GRAP2: variants seen among roughly 807,000 people sequenced by gnomAD.
GRAP2 encodes the protein GRB2 related adaptor protein 2.
In GRAP2, 31 loss-of-function variants were observed where a neutral mutation model predicts 43.5. The observed-to-expected ratio is 0.71, with a 90% CI of 0.54 to 0.96. GRAP2 has a LOEUF of 0.96. Among genes scored for constraint, GRAP2 ranks in the 40% least tolerant of loss-of-function variants. GRAP2 has a pLI of 0.00. For missense variants in GRAP2, 371 were observed against 424.4 expected, an observed-to-expected ratio of 0.87 and a Z score of 1.11; for synonymous variants, 156 against 164.8, an observed-to-expected ratio of 0.95 and a Z score of 0.41.
chr22:39,926,046 TTA>T (rs1173706475), intron 1 of GRAP2, among the ~76,000 whole-genome samples: 1 of 152,182 alleles, frequency 6.6e-6, no homozygotes, highest in African/African-American at 2.4e-5. Context: ...AATTGTCTAT[TTA>T]TATGTCTGCC....
At chr22:39,907,993 C>T (rs1031161573) in intron 1 of GRAP2, among the ~76,000 whole-genome samples, 9 of 152,176 alleles carry the variant, frequency 5.9e-5, no homozygotes, top group African/African-American at 2.2e-4. Flanking sequence ...ATGCAGGAGC[C>T]CTCGATGGGC....
intron 1 of GRAP2, 47 bp from the exon 2 acceptor site, chr22:39,947,046 C>T: frequency 9.3e-7 from 1 of 1,073,872 alleles, no homozygotes; most frequent in South Asian, 1.2e-5. Flanking sequence ...GCTCTGCTGC[C>T]CTCCCCCTGG....
chr22:39,912,451 T>C (rs1212391678), intron 1 of GRAP2, among the ~76,000 whole-genome samples: 1 of 152,156 alleles, frequency 6.6e-6, no homozygotes, highest in Non-Finnish European at 1.5e-5. Context: ...CCTTTCTGGG[T>C]TCTTGTGGAG....
At chr22:39,945,372 T>C (rs1173024580) in intron 1 of GRAP2, among the ~76,000 whole-genome samples, 1 of 152,194 alleles carries the variant, frequency 6.6e-6, no homozygotes, top group Non-Finnish European at 1.5e-5. Flanking sequence ...ATCAGAGAAA[T>C]GAGCCCCTTG....
At position 39,940,153 on chromosome 22, in the gene GRAP2, G is replaced by A. The variant is rs369400714; in HGVS notation, c.-14-6940G>A. Among the ~76,000 whole-genome samples, 262 of 152,300 alleles carry A rather than the reference G, an allele frequency of 1.7e-3. 2 individuals are homozygous for A. Among genetic ancestry groups the A allele is most frequent in the African/African-American group, 5.8e-3 (243 of 41,562 alleles). On this transcript the variant is annotated intron_variant, in intron 1 of 7. Transcript: ENST00000344138. ...GTCTATTTTAAAGGCTCCGGAAGAT[G>A]AGTTAGAAGTGATTCAAGAGCAGGC...
intron 1 of GRAP2, among the ~76,000 whole-genome samples, chr22:39,940,077 G>A (rs1481734858): frequency 1.3e-5 from 2 of 152,136 alleles, no homozygotes; most frequent in African/African-American, 2.4e-5. Flanking sequence ...CCACAGAGCC[G>A]CATCTCCAGA....
chr22:39,939,775 GGGC>G (rs1411965774), intron 1 of GRAP2, among the ~76,000 whole-genome samples: 10 of 152,026 alleles, frequency 6.6e-5, no homozygotes, highest in African/African-American at 2.2e-4. Context: ...GGACCGTGGT[GGGC>G]TGTACCTGTA....
At chr22:39,931,367 G>A (rs553849432) in intron 1 of GRAP2, among the ~76,000 whole-genome samples, 1 of 152,166 alleles carries the variant, frequency 6.6e-6, no homozygotes, top group South Asian at 2.1e-4. Flanking sequence ...AAAGAGAGAA[G>A]ATCATTCAAA....
At chr22:39,946,877 G>A (rs1350136917) in intron 1 of GRAP2, 4 of 468,668 alleles carry the variant, frequency 8.5e-6, no homozygotes, top group Non-Finnish European at 1.5e-5. Context: ...CTGGCATCTG[G>A]GGATTCCGAG....
At position 39,942,538 on chromosome 22, in the gene GRAP2, A is replaced by T. The variant is rs148055989; in HGVS notation, c.-14-4555A>T. On this transcript the variant is annotated intron_variant, in intron 1 of 7. Transcript: ENST00000344138. ...GGTGGCTCATGCCTCTAATCCCAGA[A>T]CTCCAGGAAGCTGAGGCAGGTGGAT... Among the ~76,000 whole-genome samples, 727 of 151,692 alleles carry T rather than the reference A, an allele frequency of 4.8e-3. 3 individuals are homozygous for T. Among genetic ancestry groups the T allele is most frequent in the Non-Finnish European group, 7.8e-3 (529 of 67,920 alleles).
rs2067257873 is a variant in GRAP2 at position 39,972,632 on chromosome 22, T to C, written c.*1548T>C. 1 of 152,170 alleles carries C rather than the reference T, an allele frequency of 6.6e-6. No individual in the cohort carries two copies. Among genetic ancestry groups the C allele is most frequent in the African/African-American group, 2.4e-5 (1 of 41,424 alleles). The allele number at this position is 152,170 out of a possible 1,614,324, so 9.4% of individuals were successfully genotyped here. On this transcript the variant is annotated 3_prime_UTR_variant, in exon 8 of 8. Transcript: ENST00000344138. ...ATTGAAGGTGATCGGAGAAGAAAGA[T>C]TTTCTGACTCAGAAGTGACTGCCAG...
At position 39,972,361 on chromosome 22, in the gene GRAP2, AC is replaced by A. The variant is rs1159159920; in HGVS notation, c.*1281del. 2 of 152,306 alleles carry A rather than the reference AC, an allele frequency of 1.3e-5. No homozygotes were observed. The highest frequency in any genetic ancestry group is 2.9e-5 in the Non-Finnish European group (2 of 68,088). 9.4% of individuals were successfully genotyped at this position (152,306 alleles called of 1,614,324 possible). On this transcript the variant is annotated 3_prime_UTR_variant, in exon 8 of 8. Transcript: ENST00000344138. ...TCGGAGTTTGTGGGTATGGGTGTGTACCCCTGCAGGTGTGCACATGTGTGCT... is the reference window on the plus strand; with the variant it reads ...TCGGAGTTTGTGGGTATGGGTGTGTACCCTGCAGGTGTGCACATGTGTGCT...
intron 1 of GRAP2, among the ~76,000 whole-genome samples, chr22:39,911,647 G>T (rs1464471724): frequency 6.6e-6 from 1 of 152,036 alleles, no homozygotes; most frequent in African/African-American, 2.4e-5. Flanking sequence ...ATAGACAGGT[G>T]CAGGGAACAT....
At chr22:39,897,043 C>G (rs567533584), upstream of GRAP2, among the ~76,000 whole-genome samples, 1 of 152,310 alleles carries the variant, frequency 6.6e-6, no homozygotes, top group South Asian at 2.1e-4. Flanking sequence ...ATTCACTCCA[C>G]AGGTAGTGTT....
In GRAP2 at chr22:39,969,520, T is replaced by C; in HGVS notation, c.800T>C (p.Leu267Pro). 6.2e-7 allele frequency: 1 copy of C among 1,613,878 alleles called. No homozygotes were observed. Among genetic ancestry groups the C allele is most frequent in the Non-Finnish European group, 8.5e-7 (1 of 1,179,874 alleles). The change falls in exon 7 of 8, where the codon CTC becomes CCC. Residue 267 changes from leucine (L) to proline (P), a missense_variant. Leu to Pro is a moderately conservative substitution (Grantham distance 98). Transcript: ENST00000344138. ...CGGAGACACACAGACCCAGTGCAGC[T>C]CCAGGCGGCAGGGGTATGGGAACTG... ...MHRRHTDPVQ[L>P]QAAGRVRWAR...
At chr22:39,957,045 G>C (rs1345378894) in intron 3 of GRAP2, among the ~76,000 whole-genome samples, 3 of 152,132 alleles carry the variant, frequency 2.0e-5, no homozygotes, top group Non-Finnish European at 2.9e-5. Context: ...TTCCTAAAGA[G>C]GAAATGAAAA....
At chr22:39,930,727 C>A (rs991339048) in intron 1 of GRAP2, among the ~76,000 whole-genome samples, 1 of 152,204 alleles carries the variant, frequency 6.6e-6, no homozygotes, top group African/African-American at 2.4e-5. Flanking sequence ...AAGTCCCTGG[C>A]ATGCTTTCAA....
intron 2 of GRAP2, among the ~76,000 whole-genome samples, chr22:39,949,918 A>G (rs1223982610): frequency 6.6e-6 from 1 of 152,120 alleles, no homozygotes; most frequent in African/African-American, 2.4e-5. Flanking sequence ...GGATCTTTCC[A>G]GACAAATCAG....
chr22:39,926,940 T>C lies in GRAP2; in HGVS notation c.-14-20153T>C, dbSNP rs897149751. ...CAGAAGCTGCCACCCACTGCCTGGC[T>C]CCAGCCTGGATCCAGCCCAGTTTGT... is the stretch of plus-strand genomic sequence containing the variant. On this transcript the variant is annotated intron_variant, in intron 1 of 7. Transcript: ENST00000344138. 1.1e-4 allele frequency: 77 copies of C among 721,038 alleles called. No individual in the cohort carries two copies. In the Middle Eastern group the frequency reaches 2.8e-3, roughly 26 times the overall value. 44.7% of individuals were successfully genotyped at this position (721,038 alleles called of 1,614,324 possible).
Sources: gnomAD v4.1 joint callset for allele counts (sites outside exome capture counted in the v4.1 genomes callset) on GRCh38, gnomAD v4.1.1 for gene constraint, MANE v1.5 for transcripts, NCBI Gene and HGNC (gene_info 2026-07-23, HGNC 2026-07-21) for gene names.